Variants in PRKG1 observed in about 807,000 individuals in gnomAD.
PRKG1 encodes cGMP-dependent protein kinase 1.
Under a neutral mutation model 88.1 loss-of-function variants are expected in PRKG1, and 35 were observed. The ratio of observed to expected loss-of-function variants is 0.40; its 90% CI spans 0.30 to 0.53. PRKG1 has a LOEUF of 0.53. PRKG1 is among the 20% of genes least tolerant of loss of function. The pLI, the probability that PRKG1 is intolerant of heterozygous loss-of-function variation, is 0.59. For synonymous variants in PRKG1, 303 were observed against 292.5 expected (o/e 1.04, Z -0.37); for missense variants, 540 against 839.8 (o/e 0.64, Z 4.41).
intron 2 of PRKG1, among the ~76,000 whole-genome samples, chr10:51,299,254 A>G (rs937853718): frequency 7.5e-6 from 1 of 133,026 alleles, no homozygotes; most frequent in Non-Finnish European, 1.5e-5. Flanking sequence ...TACCCAGGCT[A>G]GAGTGCAGTG....
chr10:51,934,024 CA>C (rs895252239), intron 5 of PRKG1, among the ~76,000 whole-genome samples: 1 of 152,038 alleles, frequency 6.6e-6, no homozygotes, highest in African/African-American at 2.4e-5. Flanking sequence ...TGTATAAATA[CA>C]TACATGTAAA....
chr10:51,017,138 A>G (rs1278956183), intron 1 of PRKG1, among the ~76,000 whole-genome samples: 1 of 152,076 alleles, frequency 6.6e-6, no homozygotes, highest in African/African-American at 2.4e-5. Flanking sequence ...GATACTGCTT[A>G]AGTACATCTC....
chr10:52,211,299 C>T (rs935133527), intron 9 of PRKG1, among the ~76,000 whole-genome samples: 3 of 152,128 alleles, frequency 2.0e-5, no homozygotes, highest in African/African-American at 7.2e-5. Flanking sequence ...ATATTTTACC[C>T]AGTATTCTAA....
At chr10:51,214,428 A>T (rs1009578646) in intron 2 of PRKG1, among the ~76,000 whole-genome samples, 5 of 152,156 alleles carry the variant, frequency 3.3e-5, no homozygotes, top group Non-Finnish European at 7.3e-5. Context: ...ATGGGTACAG[A>T]TCTTACCTTG....
chr10:51,561,512 C>T (rs1410592630), intron 3 of PRKG1, among the ~76,000 whole-genome samples: 3 of 152,112 alleles, frequency 2.0e-5, no homozygotes, highest in South Asian at 2.1e-4. Context: ...ATCCTATCAA[C>T]AGCCCTTCCA....
At chr10:51,386,894 A>G (rs989544155) in intron 2 of PRKG1, among the ~76,000 whole-genome samples, 6 of 152,294 alleles carry the variant, frequency 3.9e-5, no homozygotes, top group African/African-American at 1.2e-4. Context: ...TTGCTTATCA[A>G]TTCACCTCTT....
intron 4 of PRKG1, among the ~76,000 whole-genome samples, chr10:51,808,771 C>T (rs1290250214): frequency 2.0e-5 from 3 of 151,038 alleles, no homozygotes; most frequent in Non-Finnish European, 4.4e-5. Flanking sequence ...ATATCTTATA[C>T]TTTATACTTT....
At chr10:51,394,072 AG>A (rs1837512317) in intron 2 of PRKG1, among the ~76,000 whole-genome samples, 1 of 152,202 alleles carries the variant, frequency 6.6e-6, no homozygotes, top group Admixed American at 6.5e-5. Flanking sequence ...GAGAAATCAC[AG>A]GGGCTGAGAG....
intron 1 of PRKG1, among the ~76,000 whole-genome samples, chr10:51,115,176 T>C (rs180966558): frequency 8.0e-4 from 120 of 150,396 alleles, no homozygotes; most frequent in Non-Finnish European, 1.2e-3. Flanking sequence ...TAGCTGGGCA[T>C]GGTGCCACAC....
intron 2 of PRKG1, among the ~76,000 whole-genome samples, chr10:51,336,593 C>T (rs115837088): frequency 0.025 from 3,871 of 152,186 alleles, 168 homozygotes; most frequent in African/African-American, 0.087. Flanking sequence ...TTTCTGCAAC[C>T]GCTACCATCC....
chr10:51,698,690 T>G, intron 3 of PRKG1: 1 of 1,614,216 alleles, frequency 6.2e-7, no homozygotes, highest in South Asian at 1.1e-5. Flanking sequence ...AAGTTGGGGC[T>G]GCATTGCTCC....
chr10:51,554,738 C>T (rs1210913673), intron 3 of PRKG1, among the ~76,000 whole-genome samples: 1 of 151,606 alleles, frequency 6.6e-6, no homozygotes, highest in Non-Finnish European at 1.5e-5. Context: ...GCTAGGTGCC[C>T]AGGGCTGTCC....
At chr10:51,883,417 G>C (rs1841485877) in intron 4 of PRKG1, among the ~76,000 whole-genome samples, 1 of 152,170 alleles carries the variant, frequency 6.6e-6, no homozygotes, top group Non-Finnish European at 1.5e-5. Context: ...TATTAGTTCT[G>C]TTTATCTTGA....
intron 2 of PRKG1, among the ~76,000 whole-genome samples, chr10:51,420,407 C>T (rs1049177988): frequency 1.3e-5 from 2 of 152,138 alleles, no homozygotes; most frequent in African/African-American, 4.8e-5. Flanking sequence ...TTCTAGCAAA[C>T]TCCCAGTTGA....
intron 3 of PRKG1, among the ~76,000 whole-genome samples, chr10:51,723,920 C>T (rs912599740): frequency 2.6e-5 from 4 of 152,102 alleles, no homozygotes; most frequent in African/African-American, 9.7e-5. Flanking sequence ...TAAGGAGTTT[C>T]GTATGGGTTT....
At chr10:51,969,250 G>A (rs1308987506) in intron 5 of PRKG1, among the ~76,000 whole-genome samples, 1 of 152,072 alleles carries the variant, frequency 6.6e-6, no homozygotes, top group Non-Finnish European at 1.5e-5. Flanking sequence ...TCAATTTCTG[G>A]CATCTCTTGT....
intron 2 of PRKG1, among the ~76,000 whole-genome samples, chr10:51,215,287 G>T (rs74133540): frequency 0.039 from 6,011 of 152,294 alleles, 408 homozygotes; most frequent in African/African-American, 0.13. Context: ...AAAATAAGGA[G>T]AGCTTTTTCT....
At chr10:51,406,134 T>G (rs1448142471) in intron 2 of PRKG1, among the ~76,000 whole-genome samples, 2 of 152,166 alleles carry the variant, frequency 1.3e-5, no homozygotes, top group Non-Finnish European at 2.9e-5. Flanking sequence ...TTAACTACCC[T>G]GGTGGATAAG....
chr10:52,199,282 T>C (rs1346884275), intron 9 of PRKG1, among the ~76,000 whole-genome samples: 1 of 152,110 alleles, frequency 6.6e-6, no homozygotes, highest in Middle Eastern at 3.2e-3. Context: ...CCTCCACTCA[T>C]AGATGAGTGA....
Sources: gnomAD v4.1 joint callset for allele counts (sites outside exome capture counted in the v4.1 genomes callset) on GRCh38, gnomAD v4.1.1 for gene constraint, MANE v1.5 for transcripts, NCBI Gene and HGNC (gene_info 2026-07-23, HGNC 2026-07-21) for gene names.